Variants in MICAL1 observed in about 807,000 individuals in gnomAD.
MICAL1 encodes the protein microtubule associated monooxygenase, calponin and LIM domain containing 1, also known as [F-actin]-monooxygenase MICAL1.
Under a neutral mutation model 131.8 loss-of-function variants are expected in MICAL1, and 95 were observed. The ratio of observed to expected loss-of-function variants is 0.72; its 90% CI spans 0.61 to 0.86. The LOEUF (loss-of-function observed/expected upper bound fraction) is 0.86, where lower values mean the gene tolerates loss of function less well. Ranked by LOEUF, MICAL1 falls within the 40% of genes least tolerant of loss-of-function variation. The pLI is 0.00. For synonymous variants in MICAL1, 546 were observed against 554.2 expected (o/e 0.99, Z 0.21); for missense variants, 1,292 against 1,380.6 (o/e 0.94, Z 1.02).
In MICAL1 at chr6:109,453,714, G is replaced by A; in HGVS notation, c.390C>T (p.Phe130=). ...SRHNVLHLWP[F]TIHDLRALGA... ...CGAGTGCCCGCAGGTCGTGGATGGT[G>A]AAGGGCCAGAGGTGGAGCACGTTGT... is the stretch of plus-strand genomic sequence containing the variant. Residue 130 remains phenylalanine, a synonymous_variant, in exon 3 of 25, where the codon TTC becomes TTT. Coordinates refer to ENST00000358807, the MANE Select transcript of MICAL1 (RefSeq NM_022765.4). 1 of 1,613,938 alleles carries A rather than the reference G, an allele frequency of 6.2e-7. No individual in the cohort carries two copies. Among genetic ancestry groups the A allele is most frequent in the East Asian group, 2.2e-5 (1 of 44,876 alleles).
At chr6:109,458,563 T>C (rs909190297), upstream of MICAL1, among the ~76,000 whole-genome samples, 2 of 151,988 alleles carry the variant, frequency 1.3e-5, no homozygotes, top group African/African-American at 2.4e-5. Context: ...TCCATTGCAC[T>C]CCAGCCTGGG....
rs371395333 is a variant in MICAL1, at chr6:109,453,779, G to T, written c.325C>A (p.Arg109=). ...VAVELALLGA[R]VVLVEKRTKF... ...GTGCGCTTTTCCACCAGCACCACTC[G>T]GGCCCCCAGCAGCGCCAGCTCCACA... The change falls in exon 3 of 25, where the codon CGA becomes AGA. Residue 109 remains arginine, a synonymous_variant. Coordinates refer to ENST00000358807, the MANE Select transcript of MICAL1 (RefSeq NM_022765.4). The T allele has an allele frequency of 1.2e-6, 2 of 1,613,688 alleles. No homozygotes were observed. The highest frequency in any genetic ancestry group is 2.2e-5 in the South Asian group (2 of 91,086).
rs1463784856 is a variant in MICAL1 at position 109,453,634 on chromosome 6, T to C, written c.466+4A>G. ...GCCCCTCCAGGCCACCACGTGGTGC[T>C]CACTGATGTGGTCCAGGGTGCCGGT... is the stretch of plus-strand genomic sequence containing the variant. On this transcript the variant is annotated splice_donor_region_variant and intron_variant, in intron 3 of 24. Coordinates refer to ENST00000358807, the MANE Select transcript of MICAL1 (RefSeq NM_022765.4). 2 of 1,592,576 alleles carry C rather than the reference T, an allele frequency of 1.3e-6. No individual in the cohort carries two copies. The highest frequency in any genetic ancestry group is 1.7e-6 in the Non-Finnish European group (2 of 1,169,828).
chr6:109,449,375 C>T (rs1171214107), intron 11 of MICAL1, 25 bp downstream of exon 11: 1 of 1,613,828 alleles, frequency 6.2e-7, no homozygotes, highest in Non-Finnish European at 8.5e-7. Flanking sequence ...ATTTTGGTCA[C>T]CCCTTGGGAG....
chr6:109,460,509 AAT>A (rs1045551931), upstream of MICAL1, among the ~76,000 whole-genome samples: 1 of 110,064 alleles, frequency 9.1e-6, no homozygotes, highest in East Asian at 2.9e-4. Flanking sequence ...GTTAGAATGA[AAT>A]ATATATATAA....
chr6:109,447,478 G>T (rs753062279), intron 15 of MICAL1, 38 bp from the exon 16 acceptor site: 1 of 1,589,912 alleles, frequency 6.3e-7, no homozygotes, highest in Admixed American at 1.7e-5. Context: ...GGGTAGAGGG[G>T]CAGGGCCAGC....
chr6:109,461,245 G>A (rs576875972), intron 1 of MICAL1, among the ~76,000 whole-genome samples: 1 of 152,182 alleles, frequency 6.6e-6, no homozygotes, highest in African/African-American at 2.4e-5. Flanking sequence ...TGAGAATGAT[G>A]ATTTCCAGTT....
At chr6:109,462,008 C>T (rs1244815924) in intron 1 of MICAL1, among the ~76,000 whole-genome samples, 1 of 149,506 alleles carries the variant, frequency 6.7e-6, no homozygotes, top group African/African-American at 2.6e-5. Flanking sequence ...GTGTCCCAGA[C>T]ACTGCTCCCC....
In MICAL1 at chr6:109,453,992, T is replaced by C. The variant is rs1280348856; in HGVS notation, c.205A>G (p.Lys69Glu). 6.2e-7 allele frequency: 1 copy of C among 1,614,100 alleles called. No homozygotes were observed. The highest frequency in any genetic ancestry group is 8.5e-7 in the Non-Finnish European group (1 of 1,180,042). ...SAKSLWTKLD[K>E]RAGQPVYQQG... ...TGGTAGACAGGCTGGCCTGCTCGCT[T>C]GTCCAGCTTGGTCCACAGTGACTTG... Residue 69 changes from lysine to glutamate, a missense_variant, in exon 2 of 25, where the codon AAG becomes GAG. Lys to Glu is a moderately conservative substitution (Grantham distance 56, BLOSUM62 1). Coordinates refer to ENST00000358807, the MANE Select transcript of MICAL1 (RefSeq NM_022765.4).
intron 7 of MICAL1, 54 bp downstream of exon 7, chr6:109,451,546 C>G: frequency 6.2e-7 from 1 of 1,606,176 alleles, no homozygotes; most frequent in South Asian, 1.1e-5. Context: ...CAAGCCTAGC[C>G]TCTGCCTCCC....
At chr6:109,459,851 GTTTTGT>G (rs1046687337), upstream of MICAL1, among the ~76,000 whole-genome samples, 5 of 152,160 alleles carry the variant, frequency 3.3e-5, no homozygotes, top group African/African-American at 1.2e-4. Context: ...TTAAAATGTA[GTTTTGT>G]TTTTAACTCT....
chr6:109,458,706 C>T (rs1356932490), upstream of MICAL1, among the ~76,000 whole-genome samples: 1 of 152,220 alleles, frequency 6.6e-6, no homozygotes, highest in Non-Finnish European at 1.5e-5. Context: ...TCCTCTGCCC[C>T]ATACCATGTT....
Position 109,450,541 on chromosome 6 carries a change from T to C in MICAL1, c.950A>G (p.Asn317Ser), listed in dbSNP as rs151074126. ...GVLRQDWPDT[N>S]RLLGSANVVP... is the part of the protein sequence containing the mutation. The stretch of plus-strand genomic sequence containing the variant: ...CACATTGGCACTGCCCAGCAGCCGA[T>C]TGGTGTCTGGCCAGTCCTGTATGGT... Residue 317 changes from asparagine (N) to serine (S), a missense_variant, in exon 8 of 25, where the codon AAT becomes AGT. Coordinates refer to ENST00000358807, the MANE Select transcript of MICAL1 (RefSeq NM_022765.4). 220 of 1,610,162 alleles carry C rather than the reference T, an allele frequency of 1.4e-4. 1 individual carries two copies. Among genetic ancestry groups the C allele is most frequent in the East Asian group, 4.7e-4 (21 of 44,734 alleles).
chr6:109,446,099 C>T (rs904131896), intron 19 of MICAL1, 37 bp downstream of exon 19: 2 of 1,374,888 alleles, frequency 1.5e-6, no homozygotes. Context: ...CCCACCCTGT[C>T]CCACCCTGGG....
chr6:109,446,214 G>C lies in MICAL1; in HGVS notation c.2503C>G (p.Arg835Gly). 6.2e-7 allele frequency: 1 copy of C among 1,601,762 alleles called. No homozygotes were observed. The highest frequency in any genetic ancestry group is 8.5e-7 in the Non-Finnish European group (1 of 1,174,878). ...PEMEPPPKPP[R>G]SCSALARHAL... Reference sequence around the variant, plus strand: ...TGGCGGGCCAAGGCGGAGCAGCTGCGGGGAGGCTTGGGTGGAGGCTCCATT... The same window carrying C: ...TGGCGGGCCAAGGCGGAGCAGCTGCCGGGAGGCTTGGGTGGAGGCTCCATT... The change falls in exon 19 of 25, where the codon CGC becomes GGC. Residue 835 changes from arginine (R) to glycine (G), a missense_variant. Coordinates refer to ENST00000358807, the MANE Select transcript of MICAL1 (RefSeq NM_022765.4).
chr6:109,453,508 T>A, intron 3 of MICAL1, 130 bp downstream of exon 3: 1 of 1,499,150 alleles, frequency 6.7e-7, no homozygotes, highest in South Asian at 1.3e-5. Flanking sequence ...ATGGGGGACC[T>A]GAATCTTCAA....
chr6:109,464,848 T>TCCC (rs1775995325), intron 1 of MICAL1: 1 of 152,186 alleles, frequency 6.6e-6, no homozygotes, highest in Non-Finnish European at 1.5e-5. Context: ...TTTGTGGGAT[T>TCCC]TAACTAGTCT....
chr6:109,450,019 C>T lies in MICAL1; in HGVS notation c.1258G>A (p.Val420Met). The change falls in exon 9 of 25, where the codon GTG (valine) becomes ATG (methionine). Residue 420 changes from valine to methionine, a missense_variant. Physicochemically the swap from Val to Met is conservative, Grantham distance 21 (BLOSUM62 1). Coordinates refer to ENST00000358807, the MANE Select transcript of MICAL1 (RefSeq NM_022765.4). Reference sequence around the variant, plus strand: ...TCAGCGCCCTCTGCCCACCGCTTCACCATCCAGGCTGCATCAAAGGCTGCC... The same window carrying T: ...TCAGCGCCCTCTGCCCACCGCTTCATCATCCAGGCTGCATCAAAGGCTGCC... ...FLAAFDAAWM[V>M]KRWAEGAESL... 3 of 1,614,134 alleles carry T rather than the reference C, an allele frequency of 1.9e-6. No individual in the cohort carries two copies. The highest frequency in any genetic ancestry group is 2.5e-6 in the Non-Finnish European group (3 of 1,180,006).
intron 1 of MICAL1, chr6:109,454,971 G>GC (rs947115648): frequency 6.6e-6 from 1 of 152,284 alleles, no homozygotes; most frequent in African/African-American, 2.4e-5. Context: ...ACTCCAGGGG[G>GC]CCGTGGGTAG....
Sources: gnomAD v4.1 joint callset for allele counts (sites outside exome capture counted in the v4.1 genomes callset) on GRCh38, gnomAD v4.1.1 for gene constraint, MANE v1.5 for transcripts, NCBI Gene and HGNC (gene_info 2026-07-23, HGNC 2026-07-21) for gene names.